FBP1: variants seen among roughly 807,000 people sequenced by gnomAD.
FBP1 encodes the protein fructose-bisphosphatase 1, also known as fructose-1,6-bisphosphatase 1.
A neutral mutation model predicts 29.9 loss-of-function variants in FBP1; 22 were observed. The ratio of observed to expected loss-of-function variants is 0.74; its 90% CI spans 0.53 to 1.05. The LOEUF is 1.05. Ranked by LOEUF, FBP1 falls within the 50% of genes least tolerant of loss-of-function variation. The pLI, the probability that FBP1 is intolerant of heterozygous loss-of-function variation, is 0.00. For synonymous variants in FBP1, 175 were observed against 178.6 expected, an observed-to-expected ratio of 0.98 and a Z score of 0.16; for missense variants, 345 against 448.2, an observed-to-expected ratio of 0.77 and a Z score of 2.08.
At position 94,609,909 on chromosome 9, in the gene FBP1, GA is replaced by G; in HGVS notation, c.567+11del. The G allele has an allele frequency of 6.2e-7, 1 of 1,613,956 alleles. No individual in the cohort carries two copies. The highest frequency in any genetic ancestry group is 8.5e-7 in the Non-Finnish European group (1 of 1,179,956). ...ACCAGCCAAGCCCCCAGCCTCCTGT[GA>G]GGTCTCTCACCGGGTCCAGCATGAA... On this transcript the variant is annotated intron_variant, in intron 4 of 6. Coordinates refer to ENST00000375326, the MANE Select transcript of FBP1 (RefSeq NM_000507.4).
rs547487815 is a variant in FBP1 at position 94,619,789 on chromosome 9, G to A, written c.333+540C>T. ...CTCAGGAGGCTGAGGCAGGAGAATC[G>A]CTTGAACCCAGGAGGCGGAGGTTGC... On this transcript the variant is annotated intron_variant, in intron 2 of 6. Transcript: ENST00000375326. 2.3e-4 allele frequency among the ~76,000 whole-genome samples: 34 copies of A among 148,300 alleles called. No individual in the cohort carries two copies. In the East Asian group the frequency reaches 6.3e-3, roughly 27 times the overall value.
chr9:94,628,675 G>A (rs1174926160), intron 1 of FBP1, among the ~76,000 whole-genome samples: 1 of 152,184 alleles, frequency 6.6e-6, no homozygotes, highest in East Asian at 1.9e-4. Flanking sequence ...GCACAGTGTT[G>A]CACAAATGTC....
chr9:94,605,516 T>A lies in FBP1; in HGVS notation c.766A>T (p.Thr256Ser). Residue 256 changes from threonine (T) to serine (S), a missense_variant, in exon 6 of 7, where the codon ACT (threonine) becomes TCT (serine). Coordinates refer to ENST00000375326, the MANE Select transcript of FBP1 (RefSeq NM_000507.4). Reference sequence around the variant, plus strand: ...AGAAATATCCCTCCGTAGACCAGAGTGCGATGAACATCAGCCACCATGGAG... The same window carrying A: ...AGAAATATCCCTCCGTAGACCAGAGAGCGATGAACATCAGCCACCATGGAG... ...VGSMVADVHRTLVYGGIFLYP... is the reference protein window; with the variant it reads ...VGSMVADVHRSLVYGGIFLYP... 6.2e-7 allele frequency: 1 copy of A among 1,613,804 alleles called. No individual in the cohort carries two copies. Among genetic ancestry groups the A allele is most frequent in the East Asian group, 2.2e-5 (1 of 44,856 alleles).
chr9:94,604,217 G>A (rs1471187686), intron 6 of FBP1, among the ~76,000 whole-genome samples: 1 of 139,450 alleles, frequency 7.2e-6, no homozygotes, highest in African/African-American at 2.8e-5. Context: ...CCACATAGGT[G>A]TCATGGCTAG....
intron 4 of FBP1, 89 bp downstream of exon 4, chr9:94,609,832 C>A: frequency 6.9e-7 from 1 of 1,459,092 alleles, no homozygotes; most frequent in Non-Finnish European, 9.6e-7. Flanking sequence ...CACCTCCCAC[C>A]TCCACATACC....
intron 3 of FBP1, among the ~76,000 whole-genome samples, chr9:94,616,548 C>G (rs1370954421): frequency 3.5e-5 from 5 of 143,986 alleles, no homozygotes; most frequent in Non-Finnish European, 6.1e-5. Context: ...TCAAGCGATT[C>G]TCCTGCCTCA....
intron 3 of FBP1, among the ~76,000 whole-genome samples, chr9:94,614,357 A>G (rs1299445590): frequency 6.7e-6 from 1 of 149,604 alleles, no homozygotes; most frequent in Non-Finnish European, 1.5e-5. Flanking sequence ...TGGCTAAAAC[A>G]ATGAAACCCC....
intron 6 of FBP1, 63 bp downstream of exon 6, chr9:94,605,394 A>G: frequency 6.3e-7 from 1 of 1,582,082 alleles, no homozygotes; most frequent in Non-Finnish European, 8.6e-7. Flanking sequence ...TTCTTCCTAA[A>G]CTAAATCGCG....
intron 4 of FBP1, among the ~76,000 whole-genome samples, chr9:94,609,262 G>A (rs1209809152): frequency 6.6e-6 from 1 of 151,984 alleles, no homozygotes; most frequent in Non-Finnish European, 1.5e-5. Context: ...ACGAATAAAT[G>A]TGGGAGCTAT....
intron 1 of FBP1, among the ~76,000 whole-genome samples, chr9:94,620,935 C>T (rs1219895787): frequency 3.9e-5 from 6 of 152,114 alleles, no homozygotes; most frequent in Non-Finnish European, 7.4e-5. Context: ...AAAAAAGGGC[C>T]GGGCGTGGTG....
intron 6 of FBP1, chr9:94,604,031 T>G (rs967291997): frequency 3.7e-6 from 1 of 266,962 alleles, no homozygotes; most frequent in Non-Finnish European, 7.4e-6. Flanking sequence ...CAGTGTGATA[T>G]TGTTTGCAAC....
At chr9:94,637,311 G>A (rs189763122) in intron 1 of FBP1, among the ~76,000 whole-genome samples, 3 of 152,186 alleles carry the variant, frequency 2.0e-5, no homozygotes, top group Admixed American at 1.3e-4. Context: ...GATGCGGGGC[G>A]GAGAAGAGTT....
In FBP1 at chr9:94,617,753, G is replaced by A; in HGVS notation, c.426+15C>T. On this transcript the variant is annotated intron_variant, in intron 3 of 6. Transcript: ENST00000375326. ...TTCTGTCCCCAAACCAAGTGCTTAA[G>A]ATATCACGTTTTACCTTTCTATAGA... 1 of 1,555,190 alleles carries A rather than the reference G, an allele frequency of 6.4e-7. No individual in the cohort carries two copies. The highest frequency in any genetic ancestry group is 8.9e-7 in the Non-Finnish European group (1 of 1,126,530).
chr9:94,612,370 G>A (rs1230785172), intron 3 of FBP1, among the ~76,000 whole-genome samples: 1 of 152,096 alleles, frequency 6.6e-6, no homozygotes, highest in African/African-American at 2.4e-5. Context: ...TGGCAAAGGT[G>A]CAAAAGTAAA....
In FBP1 at chr9:94,620,359, T is replaced by C. The variant is rs747676423; in HGVS notation, c.303A>G (p.Lys101=). 4 of 1,614,204 alleles carry C rather than the reference T, an allele frequency of 2.5e-6. No homozygotes were observed. The highest frequency in any genetic ancestry group is 2.2e-5 in the South Asian group (2 of 91,084). The change falls in exon 2 of 7, where the codon AAA becomes AAG. Residue 101 remains lysine, a synonymous_variant. Coordinates refer to ENST00000375326, the MANE Select transcript of FBP1 (RefSeq NM_000507.4). ...TCTCCGGTTCCACTATGATGGCGTG[T>C]TTATCTTCTTCTGACACGAGAACAC... The part of the protein sequence containing the change: ...ATCVLVSEED[K]HAIIVEPEKR...
chr9:94,605,383 C>T, intron 6 of FBP1, 74 bp downstream of exon 6: 2 of 1,544,808 alleles, frequency 1.3e-6, no homozygotes, highest in Non-Finnish European at 1.8e-6. Context: ...CAAAACCTTT[C>T]TTCTTCCTAA....
At chr9:94,614,092 A>C (rs1287283565) in intron 3 of FBP1, among the ~76,000 whole-genome samples, 2 of 149,384 alleles carry the variant, frequency 1.3e-5, no homozygotes, top group South Asian at 2.1e-4. Context: ...AAAAAGAAAA[A>C]AAGAAAGAAA....
chr9:94,623,581 G>A (rs1827979218), intron 1 of FBP1, among the ~76,000 whole-genome samples: 1 of 152,258 alleles, frequency 6.6e-6, no homozygotes, highest in East Asian at 1.9e-4. Context: ...GGACACGGAT[G>A]AGGCACTGAG....
In FBP1 at chr9:94,620,458, A is replaced by G. The variant is rs1331998157; in HGVS notation, c.204T>C (p.Gly68=). 1 of 1,614,202 alleles carries G rather than the reference A, an allele frequency of 6.2e-7. No individual in the cohort carries two copies. The highest frequency in any genetic ancestry group is 8.5e-7 in the Non-Finnish European group (1 of 1,180,038). The change falls in exon 2 of 7, where the codon GGT becomes GGC. Residue 68 remains glycine (G), a synonymous_variant. Coordinates refer to ENST00000375326, the MANE Select transcript of FBP1 (RefSeq NM_000507.4). ...GGACGTCCAGCTTCTTAACTTGATC[A>G]CCTGTCACGTTGGTAGAACCAGCAA... The part of the protein sequence containing the change: ...YGIAGSTNVT[G]DQVKKLDVLS...
Sources: gnomAD v4.1 joint callset for allele counts (sites outside exome capture counted in the v4.1 genomes callset) on GRCh38, gnomAD v4.1.1 for gene constraint, MANE v1.5 for transcripts, NCBI Gene and HGNC (gene_info 2026-07-23, HGNC 2026-07-21) for gene names.